Variants in ACMSD observed in about 807,000 individuals in gnomAD.
ACMSD encodes 2-amino-3-carboxymuconate-6-semialdehyde decarboxylase.
Under a neutral mutation model 45.9 loss-of-function variants are expected in ACMSD, and 37 were observed. The ratio of observed to expected loss-of-function variants is 0.81; its 90% CI spans 0.62 to 1.06. The LOEUF is 1.06. ACMSD is among the 50% of genes least tolerant of loss of function. ACMSD has a pLI of 0.00. For missense variants in ACMSD, 434 were observed against 420.9 expected (o/e 1.03, Z -0.27); for synonymous variants, 138 against 148.8 (o/e 0.93, Z 0.53).
chr2:134,884,086 G>A (rs536251301), intron 8 of ACMSD, among the ~76,000 whole-genome samples: 23 of 152,116 alleles, frequency 1.5e-4, no homozygotes, highest in Non-Finnish European at 2.8e-4. Flanking sequence ...CAGATAACAG[G>A]TATGAAAAAT....
intron 4 of ACMSD, chr2:134,862,987 A>G (rs1228257895): frequency 1.0e-6 from 1 of 985,460 alleles, no homozygotes; most frequent in Non-Finnish European, 1.2e-6. Context: ...GCGGCCCTCA[A>G]TGGGGCATGA....
At position 134,899,874 on chromosome 2, in the gene ACMSD, G is replaced by A. The variant is rs147535291; in HGVS notation, c.948+1435G>A. Among the ~76,000 whole-genome samples the A allele has an allele frequency of 2.4e-3, 367 of 152,168 alleles. 1 individual carries two copies. Among genetic ancestry groups the A allele is most frequent in the African/African-American group, 8.3e-3 (346 of 41,524 alleles). ...AGCAAGGTATAAAACAATTTGTATA[G>A]TATACTTCCATTTGTAGATCCAATA... On this transcript the variant is annotated intron_variant, in intron 9 of 9. Transcript: ENST00000356140.
chr2:134,879,807 A>C (rs1398486519), intron 8 of ACMSD, among the ~76,000 whole-genome samples: 1 of 152,226 alleles, frequency 6.6e-6, no homozygotes, highest in Non-Finnish European at 1.5e-5. Context: ...GTGTTCTTAA[A>C]GAAATATCTT....
chr2:134,875,908 G>A (rs1437367232), intron 8 of ACMSD, among the ~76,000 whole-genome samples: 1 of 152,268 alleles, frequency 6.6e-6, no homozygotes, highest in African/African-American at 2.4e-5. Context: ...AAACTTTTAT[G>A]GTACAGCCTA....
At chr2:134,842,434 TG>T (rs1686847773) in intron 1 of ACMSD, among the ~76,000 whole-genome samples, 1 of 152,142 alleles carries the variant, frequency 6.6e-6, no homozygotes, top group Non-Finnish European at 1.5e-5. Flanking sequence ...GTATTCTATT[TG>T]GGGTTGGAAT....
intron 6 of ACMSD, 47 bp from the exon 7 acceptor site, chr2:134,870,918 T>C (rs753837767): frequency 1.3e-6 from 2 of 1,526,612 alleles, no homozygotes; most frequent in Non-Finnish European, 9.1e-7. Flanking sequence ...TGAATTCTTC[T>C]TGGTGGGGTG....
rs191921179 is a variant in ACMSD at position 134,877,064 on chromosome 2, C to T, written c.849+4423C>T. 2.1e-4 allele frequency among the ~76,000 whole-genome samples: 32 copies of T among 152,306 alleles called. 1 individual carries two copies. The highest frequency in any genetic ancestry group is 1.2e-3 in the Admixed American group (19 of 15,294). Reference sequence around the variant, plus strand: ...CTGTGATTACAGGCATGAGCCACTGCGCCCAGTCTATCTGTGCTGTACTTT... The same window carrying T: ...CTGTGATTACAGGCATGAGCCACTGTGCCCAGTCTATCTGTGCTGTACTTT... On this transcript the variant is annotated intron_variant, in intron 8 of 9. Coordinates refer to ENST00000356140, the MANE Select transcript of ACMSD (RefSeq NM_138326.3).
At position 134,863,541 on chromosome 2, in the gene ACMSD, TG is replaced by T. The variant is rs778871025; in HGVS notation, c.397del (p.Val133Ter). The T allele has an allele frequency of 5.0e-6, 8 of 1,614,220 alleles. No individual in the cohort carries two copies. The South Asian group carries it at 8.8e-5, about 18-fold the overall frequency. On this transcript the variant is annotated frameshift_variant, in exon 5 of 10. Transcript: ENST00000356140. LOFTEE classifies it high-confidence loss of function. ...TGGCGGTCAAGGAGATGGAGCGCTGTGTGAAAGAGCTGGGCTTTCCCGGGGT... is the reference window on the plus strand; with the variant it reads ...TGGCGGTCAAGGAGATGGAGCGCTGTTGAAAGAGCTGGGCTTTCCCGGGGT... ...ELAVKEMERC[V>X]KELGFPGVQI...
chr2:134,896,057 G>A (rs1690130488), intron 8 of ACMSD, among the ~76,000 whole-genome samples: 1 of 152,144 alleles, frequency 6.6e-6, no homozygotes, highest in African/African-American at 2.4e-5. Context: ...ATAAAGAATA[G>A]TCTTTTCAAC....
intron 8 of ACMSD, among the ~76,000 whole-genome samples, chr2:134,892,528 T>C (rs1293030736): frequency 1.3e-5 from 2 of 152,144 alleles, no homozygotes; most frequent in Non-Finnish European, 2.9e-5. Context: ...CTGAGACTTC[T>C]AGTTGGAGGC....
chr2:134,881,270 G>A (rs1689022490), intron 8 of ACMSD, among the ~76,000 whole-genome samples: 1 of 152,166 alleles, frequency 6.6e-6, no homozygotes, highest in Admixed American at 6.5e-5. Flanking sequence ...CAAAGTTCCG[G>A]GATTACAGGC....
intron 8 of ACMSD, among the ~76,000 whole-genome samples, chr2:134,876,318 A>T (rs867032869): frequency 6.6e-6 from 1 of 152,232 alleles, no homozygotes; most frequent in Non-Finnish European, 1.5e-5. Context: ...AAAATTTTTT[A>T]AACTTTTTGA....
intron 8 of ACMSD, among the ~76,000 whole-genome samples, chr2:134,882,521 G>C (rs1211475501): frequency 6.6e-6 from 1 of 152,216 alleles, no homozygotes; most frequent in Non-Finnish European, 1.5e-5. Flanking sequence ...TTTACAAATA[G>C]TAGGTGTTAA....
rs773545820 is a variant in ACMSD, at chr2:134,859,325, C to G, written c.167C>G (p.Pro56Arg). ...GTGGTGCGAGAGAATTGCTGGGATC[C>G]AGAAGTTCGTATTAGAGAAATGGAC... is the stretch of plus-strand genomic sequence containing the variant. The part of the protein sequence containing the change: ...FRVVRENCWD[P>R]EVRIREMDQK... The change falls in exon 3 of 10, where the codon CCA (proline) becomes CGA (arginine). Residue 56 changes from proline to arginine, a missense_variant. Transcript: ENST00000356140. The G allele has an allele frequency of 1.9e-6, 3 of 1,613,838 alleles. No individual in the cohort carries two copies. The African/African-American group carries it at 4.0e-5, about 22-fold the overall frequency.
rs752190855 is a variant in ACMSD, at chr2:134,862,044, C to T, written c.249+26C>T. ...GTGAGTGTGAAACCTCAAGCCATCT[C>T]CTTGGTGTTGAAGGTTCGTGTTGAG... On this transcript the variant is annotated intron_variant, in intron 4 of 9. Coordinates refer to ENST00000356140, the MANE Select transcript of ACMSD (RefSeq NM_138326.3). 7 of 1,614,036 alleles carry T rather than the reference C, an allele frequency of 4.3e-6. No homozygotes were observed. The South Asian group carries it at 6.6e-5, about 15-fold the overall frequency.
At chr2:134,898,316 G>C in intron 8 of ACMSD, 25 bp from the exon 9 acceptor site, 1 of 1,474,822 alleles carries the variant, frequency 6.8e-7, no homozygotes, top group African/African-American at 1.4e-5. Flanking sequence ...CAAAACAACA[G>C]AGAAATATAT....
rs1686725649 is a variant in ACMSD at position 134,840,180 on chromosome 2, A to AAAAAAACAAAAAAC, written c.57+1447_57+1448insCAAAAAACAAAAAA. Among the ~76,000 whole-genome samples, 7 of 140,146 alleles carry AAAAAAACAAAAAAC rather than the reference A, an allele frequency of 5.0e-5. No homozygotes were observed. In the East Asian group the frequency reaches 1.3e-3, roughly 26 times the overall value. The allele number at this position is 140,146 out of a possible 152,430, so 91.9% of individuals were successfully genotyped here. A position where few individuals can be genotyped will look rare whatever the true frequency, so the allele number is the denominator to read the frequency against. ...AACTATACCTAGCAAAAAAAAAAAA[A>AAAAAAACAAAAAAC]AAAAAAAAAAAAACCACTAATTCCT... On this transcript the variant is annotated intron_variant, in intron 1 of 9. Transcript: ENST00000356140.
chr2:134,863,595 G>A lies in ACMSD; in HGVS notation c.450G>A (p.Trp150Ter). 6.2e-7 allele frequency: 1 copy of A among 1,614,170 alleles called. No homozygotes were observed. Among genetic ancestry groups the A allele is most frequent in the Non-Finnish European group, 8.5e-7 (1 of 1,180,014 alleles). Residue 150 changes from tryptophan to a stop codon, truncating the protein, a stop_gained, in exon 5 of 10, where the codon TGG (tryptophan) becomes TGA (stop). Transcript: ENST00000356140. LOFTEE classifies it high-confidence loss of function. ...AAATTGGCACCCACGTCAACGAGTG[G>A]GACCTGAACGCGCAGGAGCTCTTTC... is the stretch of plus-strand genomic sequence containing the variant. ...GVQIGTHVNEWDLNAQELFPV... is the reference protein window; with the variant it reads ...GVQIGTHVNE
intron 1 of ACMSD, among the ~76,000 whole-genome samples, chr2:134,842,227 G>A (rs1474466098): frequency 1.3e-5 from 2 of 152,088 alleles, no homozygotes; most frequent in Non-Finnish European, 2.9e-5. Context: ...TCCAGGCTCG[G>A]CTCAACCTAG....
Sources: allele counts gnomAD v4.1 joint callset (sites outside exome capture counted in the v4.1 genomes callset), GRCh38; gene constraint gnomAD v4.1.1; transcripts MANE v1.5; gene names NCBI Gene and HGNC (gene_info 2026-07-23, HGNC 2026-07-21).